The following HPSE2 variants were observed in gnomAD, a reference collection of about 807,000 sequenced individuals.
HPSE2 encodes the protein inactive heparanase-2.
HPSE2 carries 38 observed loss-of-function variants against 60.5 expected under a neutral mutation model. That is an observed-to-expected ratio of 0.63 (90% CI 0.48 to 0.82). The LOEUF is 0.82. Ranked by LOEUF, HPSE2 falls within the 40% of genes least tolerant of loss-of-function variation. The probability of loss-of-function intolerance (pLI) is 0.00; values close to 1 mark genes in which losing one functional copy is unlikely to be tolerated. For synonymous variants in HPSE2, 295 were observed against 293.2 expected (o/e 1.01, Z -0.06); for missense variants, 713 against 740.4 (o/e 0.96, Z 0.43).
chr10:98,966,577 T>C (rs1292713767), intron 3 of HPSE2, among the ~76,000 whole-genome samples: 1 of 152,106 alleles, frequency 6.6e-6, no homozygotes, highest in Non-Finnish European at 1.5e-5. Context: ...AGTTAAATGG[T>C]GGGACTGTAT....
intron 3 of HPSE2, among the ~76,000 whole-genome samples, chr10:98,790,893 T>G (rs1156816208): frequency 6.6e-6 from 1 of 151,988 alleles, no homozygotes; most frequent in Admixed American, 6.6e-5. Context: ...ACTAAAAGAT[T>G]AGAGATAAGA....
chr10:98,656,925 C>A (rs544597307), intron 6 of HPSE2, among the ~76,000 whole-genome samples: 2 of 152,072 alleles, frequency 1.3e-5, no homozygotes, highest in East Asian at 1.9e-4. Context: ...CCACATCCGG[C>A]TAATTTTTGG....
At chr10:99,134,296 T>C (rs1285713479) in intron 3 of HPSE2, among the ~76,000 whole-genome samples, 3 of 152,176 alleles carry the variant, frequency 2.0e-5, no homozygotes, top group Non-Finnish European at 4.4e-5. Flanking sequence ...GAAAACACTC[T>C]TCGGGATATT....
At chr10:99,150,697 T>C (rs1351124774) in intron 2 of HPSE2, among the ~76,000 whole-genome samples, 2 of 152,200 alleles carry the variant, frequency 1.3e-5, no homozygotes, top group Non-Finnish European at 2.9e-5. Context: ...CCATGCAAGC[T>C]TGGCTGACTA....
chr10:98,766,131 A>G (rs953701015), intron 3 of HPSE2, among the ~76,000 whole-genome samples: 1 of 152,144 alleles, frequency 6.6e-6, no homozygotes, highest in African/African-American at 2.4e-5. Context: ...AAAGGAAAAT[A>G]AAATATTATG....
At chr10:98,561,238 C>T (rs527761724) in intron 9 of HPSE2, among the ~76,000 whole-genome samples, 1 of 150,686 alleles carries the variant, frequency 6.6e-6, no homozygotes, top group South Asian at 2.1e-4. Context: ...ATGATCTCGG[C>T]TCACTGCAAC....
intron 9 of HPSE2, among the ~76,000 whole-genome samples, chr10:98,570,225 C>T (rs1437740400): frequency 2.0e-5 from 3 of 152,194 alleles, no homozygotes; most frequent in Non-Finnish European, 4.4e-5. Flanking sequence ...CCCTAAGGAG[C>T]CTTGTTTCAT....
intron 9 of HPSE2, among the ~76,000 whole-genome samples, chr10:98,548,558 A>T (rs1397413471): frequency 6.6e-6 from 1 of 151,964 alleles, no homozygotes; most frequent in Non-Finnish European, 1.5e-5. Context: ...GAGAGGTTGT[A>T]GTGAGTGGAA....
chr10:99,082,233 T>C (rs961218684), intron 3 of HPSE2, among the ~76,000 whole-genome samples: 3 of 151,962 alleles, frequency 2.0e-5, no homozygotes, highest in Non-Finnish European at 4.4e-5. Context: ...TCTAAACCGA[T>C]CAGAAAAAAC....
chr10:99,276,639 TAA>T, the HPSE2 span, among the ~76,000 whole-genome samples: 39 of 152,226 alleles, frequency 2.6e-4, no homozygotes, highest in African/African-American at 9.1e-4. Flanking sequence ...CCATAACTGA[TAA>T]ATAGGATAAG....
intron 9 of HPSE2, among the ~76,000 whole-genome samples, chr10:98,562,524 G>A (rs2133877505): frequency 6.6e-6 from 1 of 152,084 alleles, no homozygotes; most frequent in Non-Finnish European, 1.5e-5. Context: ...AGACCATCCT[G>A]GCTAACAAGG....
At chr10:98,916,101 C>T (rs908540768) in intron 3 of HPSE2, among the ~76,000 whole-genome samples, 3 of 152,160 alleles carry the variant, frequency 2.0e-5, no homozygotes, top group Admixed American at 2.0e-4. Context: ...TTTTTAGCTC[C>T]CTGTTGGAAG....
intron 3 of HPSE2, among the ~76,000 whole-genome samples, chr10:98,972,817 T>C (rs1039629878): frequency 1.3e-5 from 2 of 152,166 alleles, no homozygotes; most frequent in Admixed American, 6.5e-5. Context: ...CAGCAACGCA[T>C]AAAGCATTTT....
chr10:99,232,701 TG>T (rs1183404288), intron 1 of HPSE2, among the ~76,000 whole-genome samples, 196 bp from the exon 2 acceptor site: 2 of 152,216 alleles, frequency 1.3e-5, no homozygotes, highest in African/African-American at 4.8e-5. Flanking sequence ...CGCCCGGCTC[TG>T]GGGGCTGTGC....
intron 3 of HPSE2, among the ~76,000 whole-genome samples, chr10:98,866,390 C>T (rs562467571): frequency 6.6e-6 from 1 of 151,792 alleles, no homozygotes; most frequent in South Asian, 2.1e-4. Flanking sequence ...CTTCAAGTGG[C>T]CTAACATAGA....
chr10:98,929,160 C>T (rs567114683), intron 3 of HPSE2, among the ~76,000 whole-genome samples: 1 of 143,468 alleles, frequency 7.0e-6, no homozygotes, highest in East Asian at 2.0e-4. Context: ...ATGATGTGTG[C>T]CCTTGTAAGC....
intron 3 of HPSE2, among the ~76,000 whole-genome samples, chr10:98,827,769 G>A (rs1252326): frequency 0.05 from 7,555 of 152,152 alleles, 588 homozygotes; most frequent in African/African-American, 0.17. Context: ...TGTCACCAAG[G>A]CACATATCCG....
At chr10:99,260,108 A>T in the HPSE2 span, among the ~76,000 whole-genome samples, 3 of 152,226 alleles carry the variant, frequency 2.0e-5, no homozygotes, top group African/African-American at 7.2e-5. Context: ...GTAAGTAAAC[A>T]ATTCTAAAAT....
At chr10:99,173,348 T>A (rs118005459) in intron 2 of HPSE2, among the ~76,000 whole-genome samples, 1 of 152,250 alleles carries the variant, frequency 6.6e-6, no homozygotes, top group Non-Finnish European at 1.5e-5. Flanking sequence ...AAGGTTAATA[T>A]AGAAGTAGGA....
Sources: gnomAD v4.1 joint callset for allele counts (sites outside exome capture counted in the v4.1 genomes callset) on GRCh38, gnomAD v4.1.1 for gene constraint, MANE v1.5 for transcripts, NCBI Gene and HGNC (gene_info 2026-07-23, HGNC 2026-07-21) for gene names.